Variants in CDH8 observed in about 807,000 individuals in gnomAD.
The protein encoded by CDH8 is cadherin 8, also known as cadherin-8.
A neutral mutation model predicts 68.1 loss-of-function variants in CDH8; 17 were observed. That is an observed-to-expected ratio of 0.25 (90% CI 0.17 to 0.37). CDH8 has a LOEUF of 0.37. Among genes scored for constraint, CDH8 ranks in the 10% least tolerant of loss-of-function variants. The pLI, the probability that CDH8 is intolerant of heterozygous loss-of-function variation, is 1.00. For synonymous variants in CDH8, 372 were observed against 365.1 expected, an observed-to-expected ratio of 1.02 and a Z score of -0.21; for missense variants, 763 against 999.3, an observed-to-expected ratio of 0.76 and a Z score of 3.19.
At chr16:61,971,125 G>A (rs991846420) in intron 2 of CDH8, among the ~76,000 whole-genome samples, 18 of 152,004 alleles carry the variant, frequency 1.2e-4, no homozygotes, top group East Asian at 5.8e-4. Flanking sequence ...TAACTTCACC[G>A]CCTATCCCAA....
intron 3 of CDH8, among the ~76,000 whole-genome samples, chr16:61,882,072 G>A (rs545557267): frequency 5.9e-5 from 9 of 152,152 alleles, no homozygotes; most frequent in African/African-American, 1.2e-4. Context: ...AGCAAATGCC[G>A]TGTCTAATAT....
At chr16:62,010,394 A>G (rs1319216097) in intron 2 of CDH8, among the ~76,000 whole-genome samples, 1 of 152,136 alleles carries the variant, frequency 6.6e-6, no homozygotes, top group East Asian at 1.9e-4. Flanking sequence ...GGTGACAGGA[A>G]CAAAATCTGT....
chr16:61,791,543 T>C (rs1288166012), intron 7 of CDH8, among the ~76,000 whole-genome samples: 2 of 152,098 alleles, frequency 1.3e-5, no homozygotes, highest in African/African-American at 4.8e-5. Flanking sequence ...CAGGCATTTC[T>C]GGTTCTAGTA....
chr16:61,768,311 C>CTCT lies in CDH8; in HGVS notation c.1414+21034_1414+21035insAGA, dbSNP rs1567461041. 2.6e-3 allele frequency among the ~76,000 whole-genome samples: 42 copies of CTCT among 16,382 alleles called. 1 individual carries two copies. Among genetic ancestry groups the CTCT allele is most frequent in the Admixed American group, 3.7e-3 (5 of 1,336 alleles). The allele number at this position is 16,382 out of a possible 152,430, so 10.7% of individuals were successfully genotyped here. On this transcript the variant is annotated intron_variant, in intron 8 of 11. Coordinates refer to ENST00000577390, the MANE Select transcript of CDH8 (RefSeq NM_001796.5). ...TTCAGGCTCTCTCTCTGTGTCTCTC[C>CTCT]CTTTCTCTCTCTCTCTCTCTCTCTC...
chr16:61,662,087 G>GTTTTTTTTTTTTTTTTTTT, intron 10 of CDH8, among the ~76,000 whole-genome samples: 2 of 92,792 alleles, frequency 2.2e-5, no homozygotes, highest in African/African-American at 4.0e-5. Context: ...TTTTACTTTA[G>GTTTTTTTTTTTTTTTTTTT]TTTTTTTTTT....
chr16:61,882,972 T>G (rs1192117400), intron 3 of CDH8, among the ~76,000 whole-genome samples: 1 of 152,196 alleles, frequency 6.6e-6, no homozygotes, highest in East Asian at 1.9e-4. Context: ...ATGTAAATCT[T>G]AAGCAAGCAC....
intron 2 of CDH8, among the ~76,000 whole-genome samples, chr16:61,909,979 A>G (rs1409569314): frequency 6.6e-6 from 1 of 152,194 alleles, no homozygotes; most frequent in African/African-American, 2.4e-5. Context: ...TGGAAACAAC[A>G]TGTGTCAGCC....
At chr16:61,798,496 G>A in intron 7 of CDH8, among the ~76,000 whole-genome samples, 1 of 152,128 alleles carries the variant, frequency 6.6e-6, no homozygotes, top group East Asian at 1.9e-4. Context: ...GTGTAACTGA[G>A]AAATTGAAAT....
intron 10 of CDH8, among the ~76,000 whole-genome samples, chr16:61,670,469 A>C (rs1317473760): frequency 1.3e-5 from 2 of 152,030 alleles, no homozygotes; most frequent in African/African-American, 4.8e-5. Flanking sequence ...CCCTACACAA[A>C]TGGAATGCAA....
At chr16:61,897,317 A>G (rs1037834269) in intron 3 of CDH8, among the ~76,000 whole-genome samples, 1 of 151,934 alleles carries the variant, frequency 6.6e-6, no homozygotes, top group African/African-American at 2.4e-5. Flanking sequence ...CAGTGGCACA[A>G]TCTCCGCTCA....
At chr16:61,933,330 T>G (rs1964575233) in intron 2 of CDH8, among the ~76,000 whole-genome samples, 1 of 152,180 alleles carries the variant, frequency 6.6e-6, no homozygotes, top group South Asian at 2.1e-4. Context: ...AGTAGGCTGT[T>G]TGTGGGCATC....
At chr16:61,886,091 A>C (rs995479251) in intron 3 of CDH8, among the ~76,000 whole-genome samples, 1 of 152,210 alleles carries the variant, frequency 6.6e-6, no homozygotes, top group Non-Finnish European at 1.5e-5. Flanking sequence ...AACTTTCCCA[A>C]GGATTTAACG....
At chr16:61,981,585 G>T (rs2150582797) in intron 2 of CDH8, among the ~76,000 whole-genome samples, 1 of 152,080 alleles carries the variant, frequency 6.6e-6, no homozygotes, top group Admixed American at 6.5e-5. Flanking sequence ...TTTTGTAGAG[G>T]TTACCAGGGA....
chr16:61,952,563 G>A (rs1192247427), intron 2 of CDH8, among the ~76,000 whole-genome samples: 1 of 152,018 alleles, frequency 6.6e-6, no homozygotes, highest in African/African-American at 2.4e-5. Context: ...TCAAAATAGA[G>A]GAAATACATC....
chr16:61,981,681 T>TGTGTGCGC (rs747443852), intron 2 of CDH8, among the ~76,000 whole-genome samples: 9 of 141,854 alleles, frequency 6.3e-5, no homozygotes, highest in African/African-American at 2.5e-4. Context: ...TGTGTGTGTG[T>TGTGTGCGC]GCGCGCGCGC....
At chr16:61,753,988 T>G (rs1180134185) in intron 8 of CDH8, among the ~76,000 whole-genome samples, 1 of 152,134 alleles carries the variant, frequency 6.6e-6, no homozygotes, top group Non-Finnish European at 1.5e-5. Flanking sequence ...ATGAAGAAAC[T>G]ACATATGCTA....
chr16:61,757,711 C>G lies in CDH8; in HGVS notation c.1415-30496G>C, dbSNP rs11865445. Among the ~76,000 whole-genome samples the G allele has an allele frequency of 4.6e-3, 706 of 152,208 alleles. 8 individuals are homozygous for G. The highest frequency in any genetic ancestry group is 0.016 in the African/African-American group (673 of 41,544). On this transcript the variant is annotated intron_variant, in intron 8 of 11. Coordinates refer to ENST00000577390, the MANE Select transcript of CDH8 (RefSeq NM_001796.5). ...AGGCCATGGAGAAGCCCAAACTCTC[C>G]CTTGGAAAGGCAGTGATGGCCACCA...
intron 8 of CDH8, among the ~76,000 whole-genome samples, chr16:61,763,938 G>T (rs189951628): frequency 9.9e-5 from 15 of 152,168 alleles, no homozygotes; most frequent in East Asian, 9.7e-4. Context: ...GTTAACAATC[G>T]CAACTAATGT....
intron 1 of CDH8, chr16:62,031,970 C>G (rs1288418645): frequency 6.6e-6 from 1 of 152,106 alleles, no homozygotes; most frequent in Non-Finnish European, 1.5e-5. Context: ...CTTCCAGAGA[C>G]AGGAACAAAC....
Sources: allele counts gnomAD v4.1 joint callset (sites outside exome capture counted in the v4.1 genomes callset), GRCh38; gene constraint gnomAD v4.1.1; transcripts MANE v1.5; gene names NCBI Gene and HGNC (gene_info 2026-07-23, HGNC 2026-07-21).